NINL: variants seen among roughly 807,000 people sequenced by gnomAD.
NINL encodes the protein ninein like, also known as ninein-like protein.
NINL carries 153 observed loss-of-function variants against 160.3 expected under a neutral mutation model. The ratio of observed to expected loss-of-function variants is 0.95; its 90% CI spans 0.84 to 1.09. NINL has a LOEUF of 1.09. Ranked by LOEUF, NINL falls within the 50% of genes least tolerant of loss-of-function variation. The probability of loss-of-function intolerance (pLI) is 0.00; values close to 1 mark genes in which losing one functional copy is unlikely to be tolerated. For missense variants in NINL, 1,829 were observed against 1,764.0 expected, an observed-to-expected ratio of 1.04 and a Z score of -0.66; for synonymous variants, 800 against 734.8, an observed-to-expected ratio of 1.09 and a Z score of -1.43.
At chr20:25,466,499 T>C (rs1423834861) in intron 19 of NINL, among the ~76,000 whole-genome samples, 1 of 152,164 alleles carries the variant, frequency 6.6e-6, no homozygotes, top group Non-Finnish European at 1.5e-5. Context: ...AAGTTTTTCA[T>C]GGTAAAATTT....
intron 22 of NINL, among the ~76,000 whole-genome samples, chr20:25,457,188 G>A (rs749218826): frequency 1.3e-5 from 2 of 152,068 alleles, no homozygotes; most frequent in African/African-American, 2.4e-5. Context: ...GCTGGGCATG[G>A]TGATGCGTGC....
intron 16 of NINL, 83 bp downstream of exon 16, chr20:25,478,840 G>A (rs750059352): frequency 6.9e-7 from 1 of 1,457,350 alleles, no homozygotes; most frequent in East Asian, 2.3e-5. Context: ...CAGCAATTCT[G>A]AGTTGTTTCC....
intron 1 of NINL, among the ~76,000 whole-genome samples, chr20:25,529,710 C>T (rs2064422917): frequency 6.6e-6 from 1 of 152,116 alleles, no homozygotes; most frequent in Non-Finnish European, 1.5e-5. Flanking sequence ...CGTGGTGGTG[C>T]ATGCCTGTAG....
intron 1 of NINL, among the ~76,000 whole-genome samples, chr20:25,544,459 C>T (rs1373806225): frequency 2.0e-5 from 3 of 152,180 alleles, no homozygotes; most frequent in Non-Finnish European, 4.4e-5. Flanking sequence ...CACATTTGCA[C>T]GTGACCTGAC....
At chr20:25,534,841 T>C (rs771521096) in intron 1 of NINL, among the ~76,000 whole-genome samples, 25 of 152,210 alleles carry the variant, frequency 1.6e-4, no homozygotes, top group Non-Finnish European at 3.4e-4. Context: ...CTGTATACTT[T>C]AAATCACCTC....
chr20:25,526,470 GA>G lies in NINL; in HGVS notation c.117del (p.His40ThrfsTer64). ...RQELTQLCLK[L>X]HLEQQLPVLL... ...AGGACGGGCAGCTGCTGCTCCAGGT[GA>G]AGCTTAAGGCAGAGCTGGGTCAGCT... On this transcript the variant is annotated frameshift_variant, in exon 2 of 24. Transcript: ENST00000278886. LOFTEE classifies it high-confidence loss of function. 1 of 1,614,198 alleles carries G rather than the reference GA, an allele frequency of 6.2e-7. No homozygotes were observed. Among genetic ancestry groups the G allele is most frequent in the South Asian group, 1.1e-5 (1 of 91,086 alleles).
intron 7 of NINL, among the ~76,000 whole-genome samples, chr20:25,502,282 C>A (rs1340233103): frequency 6.6e-6 from 1 of 152,176 alleles, no homozygotes; most frequent in Non-Finnish European, 1.5e-5. Context: ...ATGCCCGGCC[C>A]TCATTGACTT....
intron 5 of NINL, among the ~76,000 whole-genome samples, chr20:25,507,167 G>C (rs2063976968): frequency 6.6e-6 from 1 of 151,972 alleles, no homozygotes; most frequent in Admixed American, 6.6e-5. Context: ...GCTTCCCCAG[G>C]GTGTCATCTA....
chr20:25,571,559 A>G (rs1418638685), intron 1 of NINL, among the ~76,000 whole-genome samples: 3 of 152,214 alleles, frequency 2.0e-5, no homozygotes, highest in Non-Finnish European at 4.4e-5. Flanking sequence ...GAAACTCTTC[A>G]TGGAATGCTA....
chr20:25,473,711 CACACACAT>C lies in NINL; in HGVS notation c.3248+2324_3248+2331del, dbSNP rs1201724633. Among the ~76,000 whole-genome samples, 45 of 117,750 alleles carry C rather than the reference CACACACAT, an allele frequency of 3.8e-4. 1 individual carries two copies. The highest frequency in any genetic ancestry group is 3.7e-3 in the South Asian group (13 of 3,542). 77.2% of individuals were successfully genotyped at this position (117,750 alleles called of 152,430 possible). On this transcript the variant is annotated intron_variant, in intron 17 of 23. Coordinates refer to ENST00000278886, the MANE Select transcript of NINL (RefSeq NM_025176.6). ...ACACACACACACACACACACACACA[CACACACAT>C]CAGCTGGGCATGGTGGTGGGCACAT... is the stretch of plus-strand genomic sequence containing the variant.
chr20:25,558,187 G>A (rs1484712238), intron 1 of NINL, among the ~76,000 whole-genome samples: 1 of 152,054 alleles, frequency 6.6e-6, no homozygotes, highest in Admixed American at 6.5e-5. Flanking sequence ...AGAATAGGCA[G>A]TAATTAAGTC....
intron 1 of NINL, among the ~76,000 whole-genome samples, chr20:25,582,249 A>G (rs936743417): frequency 1.3e-5 from 2 of 152,164 alleles, no homozygotes; most frequent in Non-Finnish European, 2.9e-5. Flanking sequence ...GCGAGACTCC[A>G]TATCAAAAAC....
At chr20:25,487,356 A>ATG (rs2063523961) in intron 13 of NINL, among the ~76,000 whole-genome samples, 1 of 151,890 alleles carries the variant, frequency 6.6e-6, no homozygotes, top group South Asian at 2.1e-4. Context: ...GTGGATGCAT[A>ATG]TGACTTATCT....
At chr20:25,545,183 T>TAAGGGA (rs1450109009) in intron 1 of NINL, among the ~76,000 whole-genome samples, 1 of 152,184 alleles carries the variant, frequency 6.6e-6, no homozygotes, top group African/African-American at 2.4e-5. Flanking sequence ...AGGGAATGGT[T>TAAGGGA]CTATTCCCAT....
intron 1 of NINL, among the ~76,000 whole-genome samples, chr20:25,546,020 T>C (rs1253799450): frequency 6.6e-6 from 1 of 151,878 alleles, no homozygotes; most frequent in Non-Finnish European, 1.5e-5. Flanking sequence ...CTCGCTCTGT[T>C]GCCCAGGATG....
chr20:25,517,688 G>T, intron 3 of NINL, 65 bp downstream of exon 3: 1 of 1,237,724 alleles, frequency 8.1e-7, no homozygotes, highest in Non-Finnish European at 1.1e-6. Flanking sequence ...TCTTTCATTA[G>T]AATATTACAC....
At chr20:25,560,026 G>A (rs1449642562) in intron 1 of NINL, among the ~76,000 whole-genome samples, 1 of 152,150 alleles carries the variant, frequency 6.6e-6, no homozygotes. Context: ...TTAACCTCCT[G>A]GGTTCAAGCG....
In NINL at chr20:25,458,687, T is replaced by G. The variant is rs539784725; in HGVS notation, c.3697-158A>C. 4.4e-5 allele frequency: 35 copies of G among 788,826 alleles called. No homozygotes were observed. In the South Asian group the frequency reaches 5.3e-4, roughly 12 times the overall value. 48.9% of individuals were successfully genotyped at this position (788,826 alleles called of 1,614,324 possible). ...GAATATTTAGAAGGAGCCCATTTCT[T>G]TGGAATTCGGACAGCCAGGCTGCTG... On this transcript the variant is annotated intron_variant, in intron 21 of 23. Coordinates refer to ENST00000278886, the MANE Select transcript of NINL (RefSeq NM_025176.6).
chr20:25,506,809 A>T, intron 5 of NINL, among the ~76,000 whole-genome samples: 1 of 152,198 alleles, frequency 6.6e-6, no homozygotes, highest in Non-Finnish European at 1.5e-5. Flanking sequence ...GAGTCAAAAC[A>T]TCATGAGTCT....
Sources: gnomAD v4.1 joint callset for allele counts (sites outside exome capture counted in the v4.1 genomes callset) on GRCh38, gnomAD v4.1.1 for gene constraint, MANE v1.5 for transcripts, NCBI Gene and HGNC (gene_info 2026-07-23, HGNC 2026-07-21) for gene names.